The following KDM6B variants were observed in gnomAD, a reference collection of about 807,000 sequenced individuals.
KDM6B encodes the protein lysine demethylase 6B.
Under a neutral mutation model 150.4 loss-of-function variants are expected in KDM6B, and 22 were observed. That is an observed-to-expected ratio of 0.15 (90% CI 0.10 to 0.21). The LOEUF is 0.21. KDM6B is among the 10% of genes least tolerant of loss of function. The pLI, the probability that KDM6B is intolerant of heterozygous loss-of-function variation, is 1.00. For missense variants in KDM6B, 1,984 were observed against 2,234.3 expected (o/e 0.89, Z 2.26); for synonymous variants, 1,148 against 921.1 (o/e 1.25, Z -4.46).
chr17:7,849,435 T>A lies in KDM6B; in HGVS notation c.3147T>A (p.Ala1049=), dbSNP rs1023659129. Reference sequence around the variant, plus strand: ...CCTCCAAGGCCAAGCCACCCACAGCTCCAGCCCCTCCATCAGCTCCTGCAC... The same window carrying A: ...CCTCCAAGGCCAAGCCACCCACAGCACCAGCCCCTCCATCAGCTCCTGCAC... ...GGASKAKPPT[A]PAPPSAPAPS... The change falls in exon 12 of 24, where the codon GCT becomes GCA. Residue 1049 remains alanine, a synonymous_variant. Transcript: ENST00000448097. The A allele has an allele frequency of 6.2e-7, 1 of 1,612,114 alleles. No homozygotes were observed.
intron 2 of KDM6B, among the ~76,000 whole-genome samples, chr17:7,841,440 T>C (rs1007157156): frequency 6.6e-6 from 1 of 151,916 alleles, no homozygotes; most frequent in African/African-American, 2.4e-5. Context: ...TTCAGTAACA[T>C]GAAGGCAAAC....
intron 1 of KDM6B, among the ~76,000 whole-genome samples, chr17:7,839,450 G>A (rs2078382753): frequency 6.6e-6 from 1 of 152,142 alleles, no homozygotes; most frequent in Non-Finnish European, 1.5e-5. Context: ...CACCCGCCTG[G>A]GGGAAGAAGA....
rs555140776 is a variant in KDM6B, at chr17:7,839,933, C to T, written c.-360C>T. ...TCCCCCCAGGGCAACATGCCAGCCC[C>T]GTAGCACTGCCCACCCCACCCACTG... On this transcript the variant is annotated 5_prime_UTR_variant, in exon 2 of 24. Coordinates refer to ENST00000448097, the MANE Select transcript of KDM6B (RefSeq NM_001348716.2). The T allele has an allele frequency of 2.0e-5, 3 of 152,760 alleles. No homozygotes were observed. Among genetic ancestry groups the T allele is most frequent in the East Asian group, 1.9e-4 (1 of 5,186 alleles). 9.5% of individuals were successfully genotyped at this position (152,760 alleles called of 1,614,324 possible). A position where few individuals can be genotyped will look rare whatever the true frequency, so the allele number is the denominator to read the frequency against.
At chr17:7,835,493 T>C (rs1196479695) in intron 1 of KDM6B, among the ~76,000 whole-genome samples, 2 of 151,748 alleles carry the variant, frequency 1.3e-5, no homozygotes, top group African/African-American at 4.8e-5. Flanking sequence ...AGCGTTGACC[T>C]CGGCTCCCCT....
In KDM6B at chr17:7,848,433, C is replaced by T. The variant is rs3744248; in HGVS notation, c.2145C>T (p.His715=). 133,302 of 1,612,846 alleles carry T rather than the reference C, an allele frequency of 0.083. 8,024 individuals carry two copies. Among genetic ancestry groups the T allele is most frequent in the East Asian group, 0.36 (16,353 of 44,820 alleles). ...SIRKEEEQQQ[H]EAGVAPQPPL... is the part of the protein sequence containing the mutation. ...GCAAGGAAGAGGAACAGCAACAACA[C>T]GAAGCAGGCGTGGCCCCCCAACCCC... Residue 715 remains histidine (H), a synonymous_variant, in exon 12 of 24, where the codon CAC becomes CAT. Transcript: ENST00000448097.
At position 7,843,110 on chromosome 17, in the gene KDM6B, G is replaced by A. The variant is rs1199436583; in HGVS notation, c.-268-1791G>A. Among the ~76,000 whole-genome samples, 1 of 152,164 alleles carries A rather than the reference G, an allele frequency of 6.6e-6. No homozygotes were observed. Among genetic ancestry groups the A allele is most frequent in the Non-Finnish European group, 1.5e-5 (1 of 68,026 alleles). On this transcript the variant is annotated intron_variant, in intron 2 of 23. Transcript: ENST00000448097. The surrounding 1 kb of genome is among the most constrained non-coding windows in gnomAD (Gnocchi z 4.5). ...AGTTCCCCGTGGGAAAGGGGAAGTG[G>A]CAGAGGGGAAGTGTCATCATCGCCG...
At chr17:7,836,022 C>T (rs1263776072) in intron 1 of KDM6B, among the ~76,000 whole-genome samples, 1 of 152,228 alleles carries the variant, frequency 6.6e-6, no homozygotes, top group Non-Finnish European at 1.5e-5. Context: ...TTTCCGGCCC[C>T]ATCTGCTCGG....
chr17:7,846,299 TAGG>T lies in KDM6B; in HGVS notation c.456+5_456+7del. On this transcript the variant is annotated splice_donor_5th_base_variant and intron_variant, in intron 7 of 23. Coordinates refer to ENST00000448097, the MANE Select transcript of KDM6B (RefSeq NM_001348716.2). Reference sequence around the variant, plus strand: ...CCCCGCATTGGCCGACTGCAGCAGGTAGGAGAAGGCAGGGCGTGGGGGACGGGA... The same window carrying T: ...CCCCGCATTGGCCGACTGCAGCAGGTAGAAGGCAGGGCGTGGGGGACGGGA... 6.2e-7 allele frequency: 1 copy of T among 1,612,098 alleles called. No homozygotes were observed. The highest frequency in any genetic ancestry group is 8.5e-7 in the Non-Finnish European group (1 of 1,179,078).
At position 7,847,762 on chromosome 17, in the gene KDM6B, C is replaced by T. The variant is rs1343199908; in HGVS notation, c.1474C>T (p.Arg492Trp). The T allele has an allele frequency of 1.7e-5, 26 of 1,506,524 alleles. No individual in the cohort carries two copies. The highest frequency in any genetic ancestry group is 4.3e-5 in the African/African-American group (3 of 69,732). The allele number at this position is 1,506,524 out of a possible 1,614,324, so 93.3% of individuals were successfully genotyped here. The stretch of plus-strand genomic sequence containing the variant: ...TGCCTGGTTGAAGGGTCCGGCCTGC[C>T]GGGCAGCCCGAGAGGATGGAGAGAT... ...PPAWLKGPAC[R>W]AAREDGEILE... Residue 492 changes from arginine (R) to tryptophan (W), a missense_variant, in exon 12 of 24, where the codon CGG becomes TGG. Arg to Trp is a moderately radical substitution (Grantham distance 101). This residue lies in a region of KDM6B where 1,379 missense variants were observed against 1,275.6 expected (regional missense o/e 1.08). Coordinates refer to ENST00000448097, the MANE Select transcript of KDM6B (RefSeq NM_001348716.2).
intron 1 of KDM6B, among the ~76,000 whole-genome samples, chr17:7,837,983 G>A (rs2078356366): frequency 6.6e-6 from 1 of 151,806 alleles, no homozygotes. Flanking sequence ...AGGCAGATTT[G>A]TATTGCTTTC....
chr17:7,848,885 C>T lies in KDM6B; in HGVS notation c.2597C>T (p.Ser866Phe), dbSNP rs778267300. The change falls in exon 12 of 24, where the codon TCC (serine) becomes TTC (phenylalanine). Residue 866 changes from serine (S) to phenylalanine (F), a missense_variant. Ser to Phe is a radical substitution (Grantham distance 155). Coordinates refer to ENST00000448097, the MANE Select transcript of KDM6B (RefSeq NM_001348716.2). Reference protein sequence around the residue: ...SAQGSPQPSASSSSQFSTSGG... With the variant: ...SAQGSPQPSAFSSSQFSTSGG... ...CAGGGCTCCCCACAGCCCTCTGCTT[C>T]CTCGTCATCTCAGTTCTCTACCTCA... 25 of 1,608,220 alleles carry T rather than the reference C, an allele frequency of 1.6e-5. No homozygotes were observed. The Admixed American group carries it at 2.7e-4, about 17-fold the overall frequency.
Position 7,851,374 on chromosome 17 carries a change from C to A in KDM6B, c.3924C>A (p.Ser1308Arg). The change falls in exon 16 of 24, where the codon AGC becomes AGA. Residue 1308 changes from serine to arginine, a missense_variant. Ser to Arg is a moderately radical substitution (Grantham distance 110). Around this residue, in one of 13 missense-constraint regions of KDM6B, gnomAD observed 41 missense variants for 38.4 expected, o/e 1.07. Coordinates refer to ENST00000448097, the MANE Select transcript of KDM6B (RefSeq NM_001348716.2). Reference protein sequence around the residue: ...SEDEESEEPDSTTGTPPSSAP... With the variant: ...SEDEESEEPDRTTGTPPSSAP... ...ATGAGGAGTCAGAGGAGCCAGACAG[C>A]ACCACTGGAACCCCTCCTAGGTACT... 1 of 1,614,192 alleles carries A rather than the reference C, an allele frequency of 6.2e-7. No individual in the cohort carries two copies.
In KDM6B at chr17:7,851,945, C is replaced by T. The variant is rs1314061708; in HGVS notation, c.4166-6C>T. On this transcript the variant is annotated splice_region_variant and splice_polypyrimidine_tract_variant and intron_variant, in intron 18 of 23. Coordinates refer to ENST00000448097, the MANE Select transcript of KDM6B (RefSeq NM_001348716.2). ...CAGCCATGCCGTTCTCTGTCGACCC[C>T]TGCAGGCCACCAGGAGAATAACAAC... 2 of 1,613,532 alleles carry T rather than the reference C, an allele frequency of 1.2e-6. No homozygotes were observed. Among genetic ancestry groups the T allele is most frequent in the East Asian group, 4.5e-5 (2 of 44,884 alleles).
Position 7,847,993 on chromosome 17 carries a change from G to A in KDM6B, c.1705G>A (p.Val569Met), listed in dbSNP as rs925720057. ...GSHSSSPAGP[V>M]SFPPPPYLAR... The stretch of plus-strand genomic sequence containing the variant: ...CCACAGCAGCAGCCCTGCTGGGCCT[G>A]TGTCCTTTCCCCCACCACCCTATCT... Residue 569 changes from valine (V) to methionine (M), a missense_variant, in exon 12 of 24, where the codon GTG becomes ATG. By Grantham distance (21) the Val-to-Met change is conservative (BLOSUM62 1). This residue lies in a region of KDM6B where 1,379 missense variants were observed against 1,275.6 expected (regional missense o/e 1.08). Transcript: ENST00000448097. 3 of 1,611,858 alleles carry A rather than the reference G, an allele frequency of 1.9e-6. No homozygotes were observed. The highest frequency in any genetic ancestry group is 3.3e-5 in the Admixed American group (2 of 59,932).
Position 7,846,640 on chromosome 17 carries a change from C to T in KDM6B, c.611C>T (p.Pro204Leu), listed in dbSNP as rs527271414. The T allele has an allele frequency of 2.5e-6, 4 of 1,614,108 alleles. No homozygotes were observed. In the Admixed American group the frequency reaches 5.0e-5, roughly 20 times the overall value. ...CCGGTGAAGCGAGCTGCTGAACCCCCAGTGGTGCAGCCTGTGCCTCCTGCA... is the reference window on the plus strand; with the variant it reads ...CCGGTGAAGCGAGCTGCTGAACCCCTAGTGGTGCAGCCTGTGCCTCCTGCA... ...GPPVKRAAEP[P>L]VVQPVPPAAL... Residue 204 changes from proline to leucine, a missense_variant, in exon 9 of 24, where the codon CCA becomes CTA. Coordinates refer to ENST00000448097, the MANE Select transcript of KDM6B (RefSeq NM_001348716.2).
chr17:7,846,385 TC>T lies in KDM6B; in HGVS notation c.457-9del, dbSNP rs749688194. 77 of 527,482 alleles carry T rather than the reference TC, an allele frequency of 1.5e-4. No individual in the cohort carries two copies. Among genetic ancestry groups the T allele is most frequent in the Non-Finnish European group, 2.5e-4 (71 of 279,164 alleles). The allele number at this position is 527,482 out of a possible 1,614,324, so 32.7% of individuals were successfully genotyped here. A position where few individuals can be genotyped will look rare whatever the true frequency, so the allele number is the denominator to read the frequency against. On this transcript the variant is annotated splice_polypyrimidine_tract_variant and intron_variant, in intron 7 of 23. Coordinates refer to ENST00000448097, the MANE Select transcript of KDM6B (RefSeq NM_001348716.2). ...ACCTGACATCTGCCCCTGCCCCGTG[TC>T]CCCCCACCCCCAGGCCCAGCTCTGG...
intron 2 of KDM6B, among the ~76,000 whole-genome samples, chr17:7,842,977 C>A (rs763859652): frequency 2.0e-5 from 3 of 152,016 alleles, no homozygotes; most frequent in Non-Finnish European, 4.4e-5. Context: ...GTTTTGTCTT[C>A]AAGTGAGGGC....
Position 7,843,260 on chromosome 17 carries a change from C to T in KDM6B, c.-268-1641C>T, listed in dbSNP as rs929073111. ...ACGTCTGGTTCTTGGGTCTCCTCCC[C>T]GCCCCTGCCTCGGTACTCGGGTGGG... On this transcript the variant is annotated intron_variant, in intron 2 of 23. Transcript: ENST00000448097. This position sits in a 1 kb window ranked among gnomAD's most constrained non-coding sequence, Gnocchi z 4.5. Among the ~76,000 whole-genome samples the T allele has an allele frequency of 3.3e-5, 5 of 152,188 alleles. No individual in the cohort carries two copies. The highest frequency in any genetic ancestry group is 6.5e-5 in the Admixed American group (1 of 15,282).
chr17:7,842,163 C>A (rs982178507), intron 2 of KDM6B, among the ~76,000 whole-genome samples: 5 of 152,200 alleles, frequency 3.3e-5, no homozygotes, highest in Admixed American at 3.3e-4. Context: ...TCGGCTCAAG[C>A]CCAGAGAGAG....
Sources: gnomAD v4.1 joint callset for allele counts (sites outside exome capture counted in the v4.1 genomes callset) on GRCh38, gnomAD v4.1.1 for gene constraint, gnomAD v4.1.1 regional missense constraint, Gnocchi (gnomAD v3.1) non-coding constraint, MANE v1.5 for transcripts, NCBI Gene and HGNC (gene_info 2026-07-23, HGNC 2026-07-21) for gene names.